Variants in MOXD1 observed in about 807,000 individuals in gnomAD.
MOXD1 encodes the protein DBH-like monooxygenase protein 1.
A neutral mutation model predicts 66.6 loss-of-function variants in MOXD1; 62 were observed. The observed-to-expected ratio is 0.93, with a 90% CI of 0.76 to 1.15. The LOEUF (loss-of-function observed/expected upper bound fraction) is 1.15, where lower values mean the gene tolerates loss of function less well. Ranked by LOEUF, MOXD1 falls within the 50% of genes most tolerant of loss-of-function variation. The pLI, the probability that MOXD1 is intolerant of heterozygous loss-of-function variation, is 0.00. For missense variants in MOXD1, 847 were observed against 754.6 expected (o/e 1.12, Z -1.44); for synonymous variants, 303 against 281.9 (o/e 1.07, Z -0.75).
chr6:132,400,159 A>G (rs936025023), intron 1 of MOXD1, among the ~76,000 whole-genome samples: 1 of 152,236 alleles, frequency 6.6e-6, no homozygotes, highest in Non-Finnish European at 1.5e-5. Flanking sequence ...TGGGGATAAA[A>G]TTACTAAGAA....
At chr6:132,303,836 T>A (rs1477034972) in intron 10 of MOXD1, among the ~76,000 whole-genome samples, 22 of 24,498 alleles carry the variant, frequency 9.0e-4, no homozygotes, top group African/African-American at 3.5e-3. Context: ...TGTGTGTGTG[T>A]ATATATATAT....
At chr6:132,301,045 C>T (rs953179702) in intron 10 of MOXD1, among the ~76,000 whole-genome samples, 1 of 151,968 alleles carries the variant, frequency 6.6e-6, no homozygotes, top group Non-Finnish European at 1.5e-5. Flanking sequence ...AGCTTTAAAC[C>T]AGGTAACCTT....
chr6:132,377,097 T>G (rs1445180102), intron 1 of MOXD1, among the ~76,000 whole-genome samples: 1 of 152,200 alleles, frequency 6.6e-6, no homozygotes. Context: ...TTTTGTTTAT[T>G]TTTTTCTGTC....
chr6:132,325,745 A>C (rs778461976), intron 6 of MOXD1, among the ~76,000 whole-genome samples: 6 of 152,216 alleles, frequency 3.9e-5, no homozygotes, highest in Admixed American at 3.9e-4. Context: ...TAGCACTACT[A>C]CCTCATAAGT....
intron 1 of MOXD1, among the ~76,000 whole-genome samples, chr6:132,392,841 T>C (rs1367110051): frequency 6.6e-6 from 1 of 152,208 alleles, no homozygotes; most frequent in Non-Finnish European, 1.5e-5. Flanking sequence ...TGCGGAAATA[T>C]CTCCAGAAGG....
chr6:132,362,056 CTA>C (rs1562293296), intron 4 of MOXD1, among the ~76,000 whole-genome samples: 1 of 151,980 alleles, frequency 6.6e-6, no homozygotes, highest in African/African-American at 2.4e-5. Context: ...TTTATAAAAA[CTA>C]TTAAAAATTT....
intron 10 of MOXD1, among the ~76,000 whole-genome samples, chr6:132,308,552 G>T (rs531771988): frequency 6.6e-6 from 1 of 151,988 alleles, no homozygotes; most frequent in Non-Finnish European, 1.5e-5. Flanking sequence ...CCAAAACCGG[G>T]AAGAGACACA....
chr6:132,331,144 G>A (rs919313583), intron 4 of MOXD1, among the ~76,000 whole-genome samples: 22 of 152,118 alleles, frequency 1.4e-4, no homozygotes, highest in African/African-American at 5.3e-4. Flanking sequence ...TCATTTTTAT[G>A]TCTAGTTTGA....
chr6:132,319,778 T>A lies in MOXD1; in HGVS notation c.1365+851A>T, dbSNP rs1582567972. Among the ~76,000 whole-genome samples, 3 of 152,198 alleles carry A rather than the reference T, an allele frequency of 2.0e-5. 1 individual carries two copies. The South Asian group carries it at 6.2e-4, about 32-fold the overall frequency. On this transcript the variant is annotated intron_variant, in intron 9 of 11. Coordinates refer to ENST00000367963, the MANE Select transcript of MOXD1 (RefSeq NM_015529.4). Reference sequence around the variant, plus strand: ...TTTAATTTAATATTTGCTATAGCTTTTTCATAGCTAACTTCTACCTAGTTA... The same window carrying A: ...TTTAATTTAATATTTGCTATAGCTTATTCATAGCTAACTTCTACCTAGTTA...
intron 4 of MOXD1, among the ~76,000 whole-genome samples, chr6:132,341,921 C>A (rs1582583072): frequency 6.6e-6 from 1 of 152,342 alleles, no homozygotes; most frequent in East Asian, 1.9e-4. Context: ...AGGTCTGCCC[C>A]TTACTAGTTG....
intron 10 of MOXD1, among the ~76,000 whole-genome samples, chr6:132,298,764 AAC>A (rs1278167283): frequency 1.4e-5 from 2 of 146,964 alleles, no homozygotes; most frequent in African/African-American, 5.5e-5. Flanking sequence ...TGCAAAAAAA[AAC>A]AACAACTGAT....
intron 1 of MOXD1, among the ~76,000 whole-genome samples, chr6:132,392,953 T>C (rs1199977872): frequency 2.0e-5 from 3 of 152,224 alleles, no homozygotes; most frequent in Non-Finnish European, 4.4e-5. Context: ...ATTTCTTAAC[T>C]CCACAGGTCT....
chr6:132,401,430 C>A lies in MOXD1; in HGVS notation c.-4G>T, dbSNP rs1422574937. ...GGAGCAGCGGCCAGCAGCACATCCT[C>A]GGGCGCCTCCTGCCCGCCGGTACCG... On this transcript the variant is annotated 5_prime_UTR_variant, in exon 1 of 12. Coordinates refer to ENST00000367963, the MANE Select transcript of MOXD1 (RefSeq NM_015529.4). 6 of 1,469,048 alleles carry A rather than the reference C, an allele frequency of 4.1e-6. No homozygotes were observed. Among genetic ancestry groups the A allele is most frequent in the Non-Finnish European group, 5.4e-6 (6 of 1,115,682 alleles). The allele number at this position is 1,469,048 out of a possible 1,614,324, so 91.0% of individuals were successfully genotyped here. A position where few individuals can be genotyped will look rare whatever the true frequency, so the allele number is the denominator to read the frequency against.
At chr6:132,310,754 C>T (rs1774809576) in intron 10 of MOXD1, among the ~76,000 whole-genome samples, 2 of 152,030 alleles carry the variant, frequency 1.3e-5, no homozygotes, top group African/African-American at 4.8e-5. Flanking sequence ...GAACAGAAAA[C>T]CAAACACCAC....
chr6:132,350,757 C>A (rs369177541), intron 4 of MOXD1, among the ~76,000 whole-genome samples: 21 of 152,210 alleles, frequency 1.4e-4, no homozygotes, highest in Non-Finnish European at 2.4e-4. Flanking sequence ...CATCCATAAG[C>A]ATGGGATGTG....
At chr6:132,308,040 A>G (rs1385849432) in intron 10 of MOXD1, among the ~76,000 whole-genome samples, 1 of 152,042 alleles carries the variant, frequency 6.6e-6, no homozygotes, top group Non-Finnish European at 1.5e-5. Flanking sequence ...ATGGAGATAG[A>G]AACAGGAAAA....
intron 10 of MOXD1, among the ~76,000 whole-genome samples, chr6:132,314,371 T>C (rs1774895413): frequency 6.6e-6 from 1 of 152,256 alleles, no homozygotes; most frequent in Admixed American, 6.5e-5. Context: ...CTGATTGATA[T>C]TCCTTCCAGT....
intron 1 of MOXD1, among the ~76,000 whole-genome samples, chr6:132,385,339 T>C (rs1352417854): frequency 6.6e-6 from 1 of 152,154 alleles, no homozygotes; most frequent in Admixed American, 6.5e-5. Flanking sequence ...GCTTTGCTTT[T>C]GAAGCCCTCC....
At position 132,328,053 on chromosome 6, in the gene MOXD1, C is replaced by T. The variant is rs754663140; in HGVS notation, c.906G>A (p.Val302=). ...GATTATCATAATGGACTTCTAGGAG[C>T]ACATAATGCGGATCTAATGGAGTGC... The part of the protein sequence containing the change: ...SLGTPLDPHY[V]LLEVHYDNPT... Residue 302 remains valine (V), a synonymous_variant, in exon 6 of 12, where the codon GTG becomes GTA. Transcript: ENST00000367963. The T allele has an allele frequency of 6.2e-7, 1 of 1,613,808 alleles. No individual in the cohort carries two copies. Among genetic ancestry groups the T allele is most frequent in the Non-Finnish European group, 8.5e-7 (1 of 1,179,802 alleles).
Sources: allele counts gnomAD v4.1 joint callset (sites outside exome capture counted in the v4.1 genomes callset), GRCh38; gene constraint gnomAD v4.1.1; transcripts MANE v1.5; gene names NCBI Gene and HGNC (gene_info 2026-07-23, HGNC 2026-07-21).